OSBPL9: variants seen among roughly 807,000 people sequenced by gnomAD.
OSBPL9 encodes the protein oxysterol binding protein like 9, also known as oxysterol-binding protein-related protein 9.
Under a neutral mutation model 106.6 loss-of-function variants are expected in OSBPL9, and 40 were observed. The ratio of observed to expected loss-of-function variants is 0.38; its 90% CI spans 0.29 to 0.49. The LOEUF is 0.49. Among genes scored for constraint, OSBPL9 ranks in the 20% least tolerant of loss-of-function variants. The probability of loss-of-function intolerance (pLI) is 0.97; values close to 1 mark genes in which losing one functional copy is unlikely to be tolerated. For synonymous variants in OSBPL9, 269 were observed against 295.4 expected (o/e 0.91, Z 0.92); for missense variants, 609 against 887.2 (o/e 0.69, Z 3.98).
At chr1:51,646,327 A>G (rs1646150026) in intron 1 of OSBPL9, among the ~76,000 whole-genome samples, 1 of 152,104 alleles carries the variant, frequency 6.6e-6, no homozygotes, top group Admixed American at 6.6e-5. Context: ...TACAAGTCTT[A>G]TGCTTCTTTT....
chr1:51,714,000 C>T lies in OSBPL9; in HGVS notation c.242-3C>T, dbSNP rs368947794. On this transcript the variant is annotated splice_polypyrimidine_tract_variant and splice_region_variant and intron_variant, in intron 3 of 23. Coordinates refer to ENST00000428468, the MANE Select transcript of OSBPL9 (RefSeq NM_024586.6). The stretch of plus-strand genomic sequence containing the variant: ...AATTTTAATGTATAATCTTTTATTC[C>T]AGCCCGTGATGCTGATGAGCGAGAG... 2 of 1,599,214 alleles carry T rather than the reference C, an allele frequency of 1.3e-6. No homozygotes were observed. The highest frequency in any genetic ancestry group is 8.5e-7 in the Non-Finnish European group (1 of 1,172,390).
intron 3 of OSBPL9, among the ~76,000 whole-genome samples, chr1:51,690,627 CATTCCTCATTCAGCAA>C (rs1222223397): frequency 6.6e-6 from 1 of 152,206 alleles, no homozygotes; most frequent in East Asian, 1.9e-4. Context: ...AGTGGATCAT[CATTCCTCATTCAGCAA>C]ATATTTATTG....
chr1:51,767,262 A>G (rs1672759526), intron 12 of OSBPL9, among the ~76,000 whole-genome samples: 1 of 151,798 alleles, frequency 6.6e-6, no homozygotes, highest in African/African-American at 2.4e-5. Context: ...GTGTGGTGGC[A>G]CACGCCTGTC....
intron 3 of OSBPL9, among the ~76,000 whole-genome samples, chr1:51,706,691 A>T (rs1189177182): frequency 1.3e-5 from 2 of 148,562 alleles, no homozygotes; most frequent in African/African-American, 4.9e-5. Flanking sequence ...ATATGAATTT[A>T]TATATATATA....
At chr1:51,639,410 G>A (rs1043043398) in intron 1 of OSBPL9, among the ~76,000 whole-genome samples, 8 of 152,200 alleles carry the variant, frequency 5.3e-5, no homozygotes, top group Non-Finnish European at 7.3e-5. Context: ...TATGCGTAAA[G>A]GAGAGGAACT....
rs893992399 is a variant in OSBPL9, at chr1:51,789,115, T to C, written c.*1326T>C. 31 of 894,918 alleles carry C rather than the reference T, an allele frequency of 3.5e-5. No homozygotes were observed. The highest frequency in any genetic ancestry group is 9.0e-6 in the Non-Finnish European group (5 of 556,588). The allele number at this position is 894,918 out of a possible 1,614,324, so 55.4% of individuals were successfully genotyped here. A position where few individuals can be genotyped will look rare whatever the true frequency, so the allele number is the denominator to read the frequency against. ...AAAGGATAAAAAGTAAATCAAATGC[T>C]ATGATGCCAGTGCAAAACTTCAATG... On this transcript the variant is annotated 3_prime_UTR_variant, in exon 24 of 24. Coordinates refer to ENST00000428468, the MANE Select transcript of OSBPL9 (RefSeq NM_024586.6).
intron 2 of OSBPL9, among the ~76,000 whole-genome samples, chr1:51,658,157 G>T (rs539583546): frequency 6.6e-6 from 1 of 151,800 alleles, no homozygotes; most frequent in African/African-American, 2.4e-5. Flanking sequence ...CAAATACAGG[G>T]CATGTATGTA....
chr1:51,521,021 T>C, the OSBPL9 span, among the ~76,000 whole-genome samples: 1 of 152,250 alleles, frequency 6.6e-6, no homozygotes, highest in Non-Finnish European at 1.5e-5. Context: ...ATTAGCACAT[T>C]TGAGCTTCAC....
chr1:51,675,760 C>T lies in OSBPL9; in HGVS notation c.241+6248C>T, dbSNP rs892513780. 5.3e-5 allele frequency among the ~76,000 whole-genome samples: 8 copies of T among 151,572 alleles called. No homozygotes were observed. In the East Asian group the frequency reaches 9.6e-4, roughly 18 times the overall value. ...AGAAGACTAGTTCTTACTAATAATT[C>T]GAAAAAAACTAATTATTTGAATTTT... is the stretch of plus-strand genomic sequence containing the variant. On this transcript the variant is annotated intron_variant, in intron 3 of 23. Coordinates refer to ENST00000428468, the MANE Select transcript of OSBPL9 (RefSeq NM_024586.6).
At chr1:51,594,637 C>T (rs192147289) in intron 1 of OSBPL9, among the ~76,000 whole-genome samples, 27 of 152,276 alleles carry the variant, frequency 1.8e-4, no homozygotes, top group African/African-American at 5.1e-4. Flanking sequence ...TTGCAAGATC[C>T]GTATTGTCCT....
At chr1:51,772,547 G>A (rs747512318) in intron 13 of OSBPL9, 58 bp from the exon 14 acceptor site, 188 of 1,279,298 alleles carry the variant, frequency 1.5e-4, no homozygotes, top group Non-Finnish European at 2.0e-4. Context: ...TGTAATTCTA[G>A]TATCAGGACA....
At chr1:51,730,035 G>A in intron 4 of OSBPL9, 2 of 1,301,962 alleles carry the variant, frequency 1.5e-6, no homozygotes, top group Non-Finnish European at 2.0e-6. Flanking sequence ...GAGAGGGGCC[G>A]GCCCCTACCC....
rs150290926 is a variant in OSBPL9 at position 51,606,185 on chromosome 1, G to A, written c.-353+7992G>A. Among the ~76,000 whole-genome samples the A allele has an allele frequency of 1.8e-4, 28 of 152,286 alleles. 1 individual carries two copies. In the East Asian group the frequency reaches 5.4e-3, roughly 29 times the overall value. On this transcript the variant is annotated intron_variant, in intron 2 of 25. Transcript: ENST00000371714. ...GAGACCAGTTAGTAGCAGTGGACAT[G>A]GAAAGGAAAGGCTGTGTGATTCCAG... is the stretch of plus-strand genomic sequence containing the variant.
intron 2 of OSBPL9, among the ~76,000 whole-genome samples, chr1:51,656,663 G>A (rs866510933): frequency 4.0e-5 from 4 of 101,068 alleles, no homozygotes; most frequent in East Asian, 5.2e-4. Flanking sequence ...CCCCCTCCTC[G>A]CTCTCCCCCC....
chr1:51,787,689 C>T (rs763328540), intron 23 of OSBPL9, 26 bp from the exon 24 acceptor site: 1 of 1,606,134 alleles, frequency 6.2e-7, no homozygotes, highest in Admixed American at 1.7e-5. Flanking sequence ...AAATATGTAA[C>T]TAAATTCTTC....
chr1:51,618,563 A>T (rs1419084391), intron 1 of OSBPL9, among the ~76,000 whole-genome samples: 1 of 151,842 alleles, frequency 6.6e-6, no homozygotes, highest in Non-Finnish European at 1.5e-5. Context: ...GATGAGAGAA[A>T]GGGGACACTG....
chr1:51,767,935 T>TC (rs1672932540), intron 12 of OSBPL9, among the ~76,000 whole-genome samples: 1 of 117,904 alleles, frequency 8.5e-6, no homozygotes, highest in Admixed American at 1.0e-4. Context: ...TTAAAGACCG[T>TC]CTTTTTTTTT....
intron 2 of OSBPL9, among the ~76,000 whole-genome samples, chr1:51,605,218 A>T (rs1336355303): frequency 1.3e-5 from 2 of 152,254 alleles, no homozygotes; most frequent in East Asian, 3.8e-4. Context: ...GCAAGCCAAT[A>T]AAGGCAGGAA....
At position 51,627,248 on chromosome 1, in the gene OSBPL9, GTC is replaced by G. The variant is rs200227233; in HGVS notation, c.111+10030_111+10031del. Among the ~76,000 whole-genome samples the G allele has an allele frequency of 4.7e-3, 716 of 151,710 alleles. 2 individuals carry two copies. Among genetic ancestry groups the G allele is most frequent in the Non-Finnish European group, 7.6e-3 (516 of 67,966 alleles). On this transcript the variant is annotated intron_variant, in intron 1 of 23. Coordinates refer to ENST00000428468, the MANE Select transcript of OSBPL9 (RefSeq NM_024586.6). ...GCTCCTGGGCTGAAATGATCCTTCT[GTC>G]TCAGCCTCCCAAAGTACTGGGATTA...
Sources: allele counts gnomAD v4.1 joint callset (sites outside exome capture counted in the v4.1 genomes callset), GRCh38; gene constraint gnomAD v4.1.1; transcripts MANE v1.5; gene names NCBI Gene and HGNC (gene_info 2026-07-23, HGNC 2026-07-21).